Variants in FBXL7 observed in about 807,000 individuals in gnomAD.
FBXL7 encodes the protein F-box/LRR-repeat protein 7.
FBXL7 carries 12 observed loss-of-function variants against 38.3 expected under a neutral mutation model. The ratio of observed to expected loss-of-function variants is 0.31; its 90% CI spans 0.20 to 0.51. FBXL7 has a LOEUF of 0.51. Among genes scored for constraint, FBXL7 ranks in the 20% least tolerant of loss-of-function variants. The pLI, the probability that FBXL7 is intolerant of heterozygous loss-of-function variation, is 0.98. For synonymous variants in FBXL7, 297 were observed against 300.9 expected (o/e 0.99, Z 0.13); for missense variants, 567 against 676.4 (o/e 0.84, Z 1.79).
intron 2 of FBXL7, among the ~76,000 whole-genome samples, chr5:15,760,816 GT>G (rs2126697963): frequency 6.6e-6 from 1 of 152,194 alleles, no homozygotes; most frequent in South Asian, 2.1e-4. Flanking sequence ...TAACTCTTAA[GT>G]CATTGATTAT....
chr5:15,569,452 C>T (rs1270072150), intron 1 of FBXL7, among the ~76,000 whole-genome samples: 14 of 145,466 alleles, frequency 9.6e-5, no homozygotes, highest in South Asian at 4.4e-4. Flanking sequence ...TATCCTGAGA[C>T]TTTGCTGAAG....
rs543982331 is a variant in FBXL7, at chr5:15,700,513, G to A, written c.127+84441G>A. Among the ~76,000 whole-genome samples the A allele has an allele frequency of 2.1e-3, 326 of 152,278 alleles. 2 individuals carry two copies. The highest frequency in any genetic ancestry group is 7.5e-3 in the African/African-American group (312 of 41,548). On this transcript the variant is annotated intron_variant, in intron 2 of 3. Coordinates refer to ENST00000504595, the MANE Select transcript of FBXL7 (RefSeq NM_012304.5). ...GGAGTCTGCCAGTGGTTGCTTGTGT[G>A]AGCCGGTCATGCTGGAGGAAAGAAT...
intron 2 of FBXL7, among the ~76,000 whole-genome samples, chr5:15,625,978 A>C (rs1740804151): frequency 6.6e-6 from 1 of 152,222 alleles, no homozygotes; most frequent in Admixed American, 6.5e-5. Flanking sequence ...GGGGGCCTTA[A>C]GAGGAAGAGA....
At chr5:15,896,028 CTT>C (rs571938099) in intron 2 of FBXL7, among the ~76,000 whole-genome samples, 4 of 134,522 alleles carry the variant, frequency 3.0e-5, no homozygotes, top group South Asian at 2.4e-4. Context: ...ACTGAGTCTA[CTT>C]TTTTTTTTTT....
chr5:15,919,590 C>G (rs1741687340), intron 2 of FBXL7, among the ~76,000 whole-genome samples: 1 of 152,176 alleles, frequency 6.6e-6, no homozygotes, highest in African/African-American at 2.4e-5. Context: ...TCCTCTGTCT[C>G]TTAGTTTAGC....
At chr5:15,786,481 G>A (rs1353208403) in intron 2 of FBXL7, among the ~76,000 whole-genome samples, 1 of 152,118 alleles carries the variant, frequency 6.6e-6, no homozygotes, top group South Asian at 2.1e-4. Flanking sequence ...GAAATGTCCT[G>A]AGAGTATTCA....
chr5:15,614,492 A>G lies in FBXL7; in HGVS notation c.38-1491A>G, dbSNP rs904917264. Among the ~76,000 whole-genome samples, 4 of 151,946 alleles carry G rather than the reference A, an allele frequency of 2.6e-5. No individual in the cohort carries two copies. The East Asian group carries it at 7.7e-4, about 29-fold the overall frequency. On this transcript the variant is annotated intron_variant, in intron 1 of 3. Coordinates refer to ENST00000504595, the MANE Select transcript of FBXL7 (RefSeq NM_012304.5). ...ACGATGTTGGCCAGGCTAGTTTTGAACTTTTGACCTCAAGTGATCCATGTG... is the reference window on the plus strand; with the variant it reads ...ACGATGTTGGCCAGGCTAGTTTTGAGCTTTTGACCTCAAGTGATCCATGTG...
intron 2 of FBXL7, among the ~76,000 whole-genome samples, chr5:15,791,429 T>C (rs1472357812): frequency 6.6e-6 from 1 of 152,216 alleles, no homozygotes; most frequent in Non-Finnish European, 1.5e-5. Context: ...ATGGGGTGTA[T>C]GTGTAATCAT....
chr5:15,722,272 C>T (rs1744217940), intron 2 of FBXL7, among the ~76,000 whole-genome samples: 1 of 152,118 alleles, frequency 6.6e-6, no homozygotes, highest in Non-Finnish European at 1.5e-5. Context: ...TCATAACCAC[C>T]CGGAATGCCA....
At chr5:15,631,732 A>G (rs1741005601) in intron 2 of FBXL7, among the ~76,000 whole-genome samples, 1 of 151,238 alleles carries the variant, frequency 6.6e-6, no homozygotes. Context: ...GCAGTGAAAA[A>G]GAGAGTTCAG....
chr5:15,524,580 G>A (rs924845011), intron 1 of FBXL7, among the ~76,000 whole-genome samples: 20 of 152,140 alleles, frequency 1.3e-4, no homozygotes. Flanking sequence ...AAAGTGTTGG[G>A]ATACACTTTA....
chr5:15,895,627 T>C (rs997845520), intron 2 of FBXL7, among the ~76,000 whole-genome samples: 15 of 150,860 alleles, frequency 9.9e-5, no homozygotes, highest in Non-Finnish European at 2.2e-4. Flanking sequence ...AGGGCCCTTT[T>C]TCATACTTTT....
intron 1 of FBXL7, among the ~76,000 whole-genome samples, chr5:15,528,645 C>G (rs906455041): frequency 1.3e-5 from 2 of 152,126 alleles, no homozygotes; most frequent in African/African-American, 2.4e-5. Context: ...GAAACTGCTC[C>G]CATTATTCAA....
intron 1 of FBXL7, among the ~76,000 whole-genome samples, chr5:15,575,598 G>T (rs1408057509): frequency 6.6e-6 from 1 of 152,200 alleles, no homozygotes; most frequent in Non-Finnish European, 1.5e-5. Context: ...TAATAAGTGA[G>T]TGTTCCTTTA....
Position 15,500,648 on chromosome 5 carries a change from C to G in FBXL7, c.-29C>G, listed in dbSNP as rs1373495393. ...CGTGCGCCGCAGCTATGGAGTGTCC[C>G]GGGAGACGGCGGGCATGACGGCTAC... On this transcript the variant is annotated 5_prime_UTR_variant, in exon 1 of 4. Transcript: ENST00000504595. The G allele has an allele frequency of 1.2e-6, 2 of 1,613,286 alleles. No individual in the cohort carries two copies. The highest frequency in any genetic ancestry group is 2.2e-5 in the East Asian group (1 of 44,794).
intron 2 of FBXL7, among the ~76,000 whole-genome samples, chr5:15,801,826 A>G (rs776555811): frequency 7.0e-5 from 10 of 143,584 alleles, no homozygotes; most frequent in Admixed American, 5.6e-4. Context: ...ATTTCATTCC[A>G]TATTTCGGGG....
chr5:15,874,394 A>G (rs1022598461), intron 2 of FBXL7, among the ~76,000 whole-genome samples: 3 of 152,228 alleles, frequency 2.0e-5, no homozygotes, highest in Admixed American at 6.5e-5. Flanking sequence ...CCTATTCAAC[A>G]TAGTATTGGA....
At chr5:15,620,456 G>A (rs755114395) in intron 2 of FBXL7, among the ~76,000 whole-genome samples, 86 of 148,034 alleles carry the variant, frequency 5.8e-4, no homozygotes, top group Non-Finnish European at 1.1e-3. Context: ...CACCATGTTA[G>A]CCAAGCTGCT....
At chr5:15,852,998 C>A (rs1166469184) in intron 2 of FBXL7, among the ~76,000 whole-genome samples, 1 of 152,122 alleles carries the variant, frequency 6.6e-6, no homozygotes, top group Non-Finnish European at 1.5e-5. Flanking sequence ...CTATTGTAAG[C>A]TTTAGATATA....
Sources: gnomAD v4.1 joint callset for allele counts (sites outside exome capture counted in the v4.1 genomes callset) on GRCh38, gnomAD v4.1.1 for gene constraint, MANE v1.5 for transcripts, NCBI Gene and HGNC (gene_info 2026-07-23, HGNC 2026-07-21) for gene names.